ZNF699: variants seen among roughly 807,000 people sequenced by gnomAD.
The protein encoded by ZNF699 is hangover homolog.
Under a neutral mutation model 22.5 loss-of-function variants are expected in ZNF699, and 18 were observed. The ratio of observed to expected loss-of-function variants is 0.80; its 90% confidence interval spans 0.55 to 1.19. The LOEUF (loss-of-function observed/expected upper bound fraction) is 1.19, where lower values mean the gene tolerates loss of function less well. Ranked by LOEUF, ZNF699 falls within the 50% of genes most tolerant of loss-of-function variation. The pLI, the probability that ZNF699 is intolerant of heterozygous loss-of-function variation, is 0.00. For missense variants in ZNF699, 670 were observed against 763.4 expected, an observed-to-expected ratio of 0.88 and a Z score of 1.44; for synonymous variants, 241 against 262.3, an observed-to-expected ratio of 0.92 and a Z score of 0.78.
rs866797551 is a variant in ZNF699, at chr19:9,295,866, A to G, written c.1538T>C (p.Ile513Thr). ...ATGTACTGTAAGGTGGGAGGAACTA[A>G]TAAAGGCTTTCCCACATTCTTTACA... is the stretch of plus-strand genomic sequence containing the variant. ...YECKECGKAF[I>T]SSSHLTVHIR... is the part of the protein sequence containing the mutation. Residue 513 changes from isoleucine to threonine, a missense_variant, in exon 6 of 6, where the codon ATT (isoleucine) becomes ACT (threonine). Physicochemically the swap from Ile to Thr is moderately conservative, Grantham distance 89 (BLOSUM62 -1). Transcript: ENST00000591998. 6.2e-7 allele frequency: 1 copy of G among 1,613,736 alleles called. No homozygotes were observed. The highest frequency in any genetic ancestry group is 8.5e-7 in the Non-Finnish European group (1 of 1,179,912).
At chr19:9,298,420 C>A (rs1336174600) in intron 3 of ZNF699, among the ~76,000 whole-genome samples, 1 of 146,450 alleles carries the variant, frequency 6.8e-6, no homozygotes, top group Non-Finnish European at 1.5e-5. Context: ...CACTCCCGCC[C>A]GGGCGACAGA....
rs201685861 is a variant in ZNF699 at position 9,292,822 on chromosome 19, A to ATT, written c.*2651_*2652dup. ...CAAGTAACCAGAAGGAAACCTTTCAATTTTTTTTTTTTTTTAAAAAGGAAC... is the reference window on the plus strand; with the variant it reads ...CAAGTAACCAGAAGGAAACCTTTCAATTTTTTTTTTTTTTTTTAAAAAGGAAC... On this transcript the variant is annotated 3_prime_UTR_variant, in exon 6 of 6. Coordinates refer to ENST00000591998, the MANE Select transcript of ZNF699 (RefSeq NM_198535.3). 6.8e-6 allele frequency among the ~76,000 whole-genome samples: 1 copy of ATT among 147,824 alleles called. No homozygotes were observed. Among genetic ancestry groups the ATT allele is most frequent in the African/African-American group, 2.5e-5 (1 of 40,170 alleles).
rs1322159564 is a variant in ZNF699, at chr19:9,297,975, G to A, written c.191C>T (p.Thr64Ile). 3.7e-6 allele frequency: 6 copies of A among 1,611,584 alleles called. No homozygotes were observed. The Admixed American group carries it at 6.7e-5, about 18-fold the overall frequency. ...NLASLGYPLH[T>I]PHLISQWEQE... ...TTCCCACTGGGAGATCAGATGGGGT[G>A]TGTGTAGCGGATACCCTGCACAAGC... The change falls in exon 4 of 6, where the codon ACA (threonine) becomes ATA (isoleucine). Residue 64 changes from threonine to isoleucine, a missense_variant. Thr to Ile is a moderately conservative substitution (Grantham distance 89). Coordinates refer to ENST00000591998, the MANE Select transcript of ZNF699 (RefSeq NM_198535.3). The surrounding 1 kb of genome is among the most constrained non-coding windows in gnomAD (Gnocchi z 4.3).
intron 1 of ZNF699, among the ~76,000 whole-genome samples, chr19:9,307,590 G>A (rs2066331977): frequency 6.6e-6 from 1 of 152,084 alleles, no homozygotes; most frequent in Non-Finnish European, 1.5e-5. Flanking sequence ...AGATCATGCT[G>A]GAATTTCAGA....
chr19:9,300,681 C>T (rs2066303866), intron 3 of ZNF699, among the ~76,000 whole-genome samples: 1 of 152,096 alleles, frequency 6.6e-6, no homozygotes, highest in South Asian at 2.1e-4. Context: ...TGAAAGAAGC[C>T]AATCTGAAAA....
chr19:9,308,539 C>T (rs2066335866), intron 1 of ZNF699, among the ~76,000 whole-genome samples: 1 of 152,132 alleles, frequency 6.6e-6, no homozygotes, highest in Middle Eastern at 3.2e-3. Context: ...TGCAGTGGCT[C>T]ATGCCTGTAA....
chr19:9,298,799 T>A (rs2066296546), intron 3 of ZNF699, among the ~76,000 whole-genome samples: 1 of 152,162 alleles, frequency 6.6e-6, no homozygotes, highest in South Asian at 2.1e-4. Flanking sequence ...CCTGTGTCAC[T>A]AGGCTGAACA....
Position 9,293,591 on chromosome 19 carries a change from A to G in ZNF699, c.*1884T>C, listed in dbSNP as rs751809886. Reference sequence around the variant, plus strand: ...ATGAAAATCAAGAACAAGCACACCAAGTCAATTATAGTAAGAGTCAAAATT... The same window carrying G: ...ATGAAAATCAAGAACAAGCACACCAGGTCAATTATAGTAAGAGTCAAAATT... On this transcript the variant is annotated 3_prime_UTR_variant, in exon 6 of 6. Coordinates refer to ENST00000591998, the MANE Select transcript of ZNF699 (RefSeq NM_198535.3). Among the ~76,000 whole-genome samples the G allele has an allele frequency of 6.6e-6, 1 of 152,212 alleles. No homozygotes were observed. Among genetic ancestry groups the G allele is most frequent in the East Asian group, 1.9e-4 (1 of 5,192 alleles).
At chr19:9,306,421 G>A (rs902737976) in intron 1 of ZNF699, among the ~76,000 whole-genome samples, 3 of 151,286 alleles carry the variant, frequency 2.0e-5, no homozygotes, top group Non-Finnish European at 4.4e-5. Flanking sequence ...ACCTGTGTCA[G>A]CCCTGATGTG....
rs185917613 is a variant in ZNF699, at chr19:9,295,400, G to A, written c.*75C>T. On this transcript the variant is annotated 3_prime_UTR_variant, in exon 6 of 6. Transcript: ENST00000591998. The stretch of plus-strand genomic sequence containing the variant: ...ATTTCCTACTTTCTTACATTCATAG[G>A]GTGTCTCCACAGTATGAGATCTCAC... 1,528 of 1,498,176 alleles carry A rather than the reference G, an allele frequency of 1.0e-3. No individual in the cohort carries two copies. Among genetic ancestry groups the A allele is most frequent in the Non-Finnish European group, 9.7e-4 (1,095 of 1,125,036 alleles). 92.8% of individuals were successfully genotyped at this position (1,498,176 alleles called of 1,614,324 possible).
rs189167193 is a variant in ZNF699 at position 9,296,792 on chromosome 19, G to C, written c.612C>G (p.Phe204Leu). The change falls in exon 6 of 6, where the codon TTC (phenylalanine) becomes TTG (leucine). Residue 204 changes from phenylalanine (F) to leucine (L), a missense_variant. Physicochemically the swap from Phe to Leu is conservative, Grantham distance 22. Transcript: ENST00000591998. ...GACTCTTAAGGGATGAATGATCCAC[G>C]AAGGCCTTTCCACACTCATGGCATT... ...SCECHECGKA[F>L]VDHSSLKSHI... 6.2e-7 allele frequency: 1 copy of C among 1,614,114 alleles called. No individual in the cohort carries two copies. The highest frequency in any genetic ancestry group is 8.5e-7 in the Non-Finnish European group (1 of 1,180,010).
At position 9,296,545 on chromosome 19, in the gene ZNF699, C is replaced by T. The variant is rs1365382729; in HGVS notation, c.859G>A (p.Gly287Ser). Residue 287 changes from glycine (G) to serine (S), a missense_variant, in exon 6 of 6, where the codon GGT becomes AGT. By Grantham distance (56) the Gly-to-Ser change is moderately conservative. Coordinates refer to ENST00000591998, the MANE Select transcript of ZNF699 (RefSeq NM_198535.3). ...GTGAGCGATGAGGAACAACTAAAAC[C>T]TTTCCCACATTCTTTACATTCATAG... ...TNYECKECGK[G>S]FSCSSSLTEH... 8 of 1,614,172 alleles carry T rather than the reference C, an allele frequency of 5.0e-6. No individual in the cohort carries two copies. Among genetic ancestry groups the T allele is most frequent in the South Asian group, 2.2e-5 (2 of 91,078 alleles).
Position 9,296,511 on chromosome 19 carries a change from TTG to T in ZNF699, c.891_892del (p.His297GlnfsTer8). 1 of 1,613,812 alleles carries T rather than the reference TTG, an allele frequency of 6.2e-7. No individual in the cohort carries two copies. The highest frequency in any genetic ancestry group is 8.5e-7 in the Non-Finnish European group (1 of 1,179,946). Reference sequence around the variant, plus strand: ...AGGCTTATCTCCACTGTGAATTCTTTTGTGTTCTGTGAGCGATGAGGAACAAC... The same window carrying T: ...AGGCTTATCTCCACTGTGAATTCTTTTGTTCTGTGAGCGATGAGGAACAAC... On this transcript the variant is annotated frameshift_variant, in exon 6 of 6. Coordinates refer to ENST00000591998, the MANE Select transcript of ZNF699 (RefSeq NM_198535.3). LOFTEE classifies it low-confidence loss of function (END_TRUNC).
intron 3 of ZNF699, among the ~76,000 whole-genome samples, chr19:9,298,830 T>C (rs915085042): frequency 1.3e-5 from 2 of 152,186 alleles, no homozygotes; most frequent in African/African-American, 4.8e-5. Flanking sequence ...AAAATTTATG[T>C]TCAAATGGAT....
intron 2 of ZNF699, among the ~76,000 whole-genome samples, chr19:9,302,895 A>G (rs1276616260): frequency 6.6e-6 from 1 of 152,046 alleles, no homozygotes; most frequent in African/African-American, 2.4e-5. Flanking sequence ...GCGTGGTGGC[A>G]TGTGCCTATG....
intron 3 of ZNF699, among the ~76,000 whole-genome samples, chr19:9,298,863 C>T (rs946584320): frequency 2.0e-5 from 3 of 152,146 alleles, no homozygotes; most frequent in Non-Finnish European, 4.4e-5. Flanking sequence ...ACAGTGGGTT[C>T]AGAAACAGAG....
intron 3 of ZNF699, among the ~76,000 whole-genome samples, chr19:9,299,146 T>C (rs905473711): frequency 6.6e-6 from 1 of 152,194 alleles, no homozygotes; most frequent in Non-Finnish European, 1.5e-5. Flanking sequence ...TTTTTTTTCT[T>C]TTTTTTGAGA....
At position 9,292,838 on chromosome 19, in the gene ZNF699, A is replaced by G. The variant is rs1046737609; in HGVS notation, c.*2637T>C. ...AACCTTTCAATTTTTTTTTTTTTTT[A>G]AAAAGGAACCATAAGTCTGGGTGCA... On this transcript the variant is annotated 3_prime_UTR_variant, in exon 6 of 6. Transcript: ENST00000591998. 6.7e-6 allele frequency among the ~76,000 whole-genome samples: 1 copy of G among 149,538 alleles called. No homozygotes were observed. The highest frequency in any genetic ancestry group is 2.5e-5 in the African/African-American group (1 of 40,694).
In ZNF699 at chr19:9,296,607, A is replaced by C; in HGVS notation, c.797T>G (p.Phe266Cys). 2 of 1,614,184 alleles carry C rather than the reference A, an allele frequency of 1.2e-6. No homozygotes were observed. Among genetic ancestry groups the C allele is most frequent in the Non-Finnish European group, 1.7e-6 (2 of 1,180,024 alleles). The change falls in exon 6 of 6, where the codon TTT becomes TGT. Residue 266 changes from phenylalanine (F) to cysteine (C), a missense_variant. By Grantham distance (205) the Phe-to-Cys change is radical. Transcript: ENST00000591998. ...CTKAFSCSSF[F>C]RAHMKIHIGK... The stretch of plus-strand genomic sequence containing the variant: ...GATGTGAATCTTCATATGTGCCCTA[A>C]AGAATGAGGAACAGCTGAAGGCTTT...
Sources: gnomAD v4.1 joint callset for allele counts (sites outside exome capture counted in the v4.1 genomes callset) on GRCh38, gnomAD v4.1.1 for gene constraint, Gnocchi (gnomAD v3.1) non-coding constraint, MANE v1.5 for transcripts, NCBI Gene and HGNC (gene_info 2026-07-23, HGNC 2026-07-21) for gene names.